PROSER2: variants seen among roughly 807,000 people sequenced by gnomAD.
PROSER2 encodes the protein proline and serine rich 2, also known as proline and serine-rich protein 2.
A neutral mutation model predicts 14.6 loss-of-function variants in PROSER2; 18 were observed. The observed-to-expected ratio is 1.23, with a 90% CI of 0.85 to 1.83. The LOEUF (loss-of-function observed/expected upper bound fraction) is 1.83, where lower values mean the gene tolerates loss of function less well. PROSER2 is among the 40% of genes most tolerant of loss of function. The pLI is 0.00. For synonymous variants in PROSER2, 367 were observed against 286.4 expected (o/e 1.28, Z -2.84); for missense variants, 823 against 629.8 (o/e 1.31, Z -3.28).
chr10:11,861,316 G>A (rs1022878106), intron 2 of PROSER2, among the ~76,000 whole-genome samples: 10 of 152,074 alleles, frequency 6.6e-5, no homozygotes, highest in Non-Finnish European at 1.0e-4. Context: ...AACCATGCAC[G>A]CCGTGTTTCC....
At chr10:11,832,937 A>C (rs942779247) in intron 1 of PROSER2, among the ~76,000 whole-genome samples, 1 of 151,942 alleles carries the variant, frequency 6.6e-6, no homozygotes, top group Non-Finnish European at 1.5e-5. Flanking sequence ...CCACCTCCCA[A>C]ATTCAAGCAA....
chr10:11,869,656 A>G lies in PROSER2; in HGVS notation c.558A>G (p.Arg186=). Residue 186 remains arginine, a synonymous_variant, in exon 4 of 4, where the codon AGA becomes AGG. Transcript: ENST00000277570. The surrounding 1 kb of genome is among the most constrained non-coding windows in gnomAD (Gnocchi z 4.4). ...CCTCCCCGCCGGTGGAGCACCCCAG[A>G]CTCCTGCGCTCTGTTCCCACGCCCC... ...RAPSPPVEHP[R]LLRSVPTPLV... The G allele has an allele frequency of 6.2e-7, 1 of 1,600,106 alleles. No homozygotes were observed. The highest frequency in any genetic ancestry group is 8.5e-7 in the Non-Finnish European group (1 of 1,173,936).
chr10:11,868,717 C>T (rs1371105239), intron 3 of PROSER2, among the ~76,000 whole-genome samples: 3 of 152,190 alleles, frequency 2.0e-5, no homozygotes, highest in African/African-American at 7.2e-5. Context: ...GTGGTGCCAT[C>T]TCAGCTCACT....
intron 2 of PROSER2, among the ~76,000 whole-genome samples, chr10:11,855,468 C>G: frequency 8.3e-6 from 1 of 119,836 alleles, no homozygotes; most frequent in Admixed American, 9.0e-5. Flanking sequence ...AGCAAGACTC[C>G]ATCTCAAAAA....
At chr10:11,831,500 A>G (rs1833688646) in intron 1 of PROSER2, among the ~76,000 whole-genome samples, 1 of 152,220 alleles carries the variant, frequency 6.6e-6, no homozygotes. Flanking sequence ...GAGCTGAGTA[A>G]AAAACATGCA....
intron 1 of PROSER2, among the ~76,000 whole-genome samples, chr10:11,832,487 G>A (rs1177656408): frequency 6.6e-6 from 1 of 152,044 alleles, no homozygotes; most frequent in Non-Finnish European, 1.5e-5. Context: ...CATTCATATT[G>A]ACATGGATTA....
chr10:11,855,473 CAAAAAAAAAAA>C (rs71380787), intron 2 of PROSER2, among the ~76,000 whole-genome samples: 3 of 102,656 alleles, frequency 2.9e-5, no homozygotes, highest in African/African-American at 1.2e-4. Flanking sequence ...GACTCCATCT[CAAAAAAAAAAA>C]AAAAAAGAAA....
intron 2 of PROSER2, among the ~76,000 whole-genome samples, chr10:11,858,898 A>C (rs1032708899): frequency 6.6e-6 from 1 of 150,918 alleles, no homozygotes; most frequent in African/African-American, 2.4e-5. Context: ...AGTCCCAGCT[A>C]CTCAGGAAGC....
At chr10:11,842,420 T>C (rs1307475915) in intron 1 of PROSER2, among the ~76,000 whole-genome samples, 1 of 152,108 alleles carries the variant, frequency 6.6e-6, no homozygotes, top group African/African-American at 2.4e-5. Context: ...CTAATTTAGA[T>C]GGTAAATGTT....
intron 1 of PROSER2, among the ~76,000 whole-genome samples, chr10:11,848,826 T>C (rs1833966819): frequency 6.6e-6 from 1 of 152,196 alleles, no homozygotes; most frequent in Admixed American, 6.5e-5. Flanking sequence ...CATTTCCACA[T>C]CTTTGTTGAT....
chr10:11,834,184 AG>A (rs1208819574), intron 1 of PROSER2, among the ~76,000 whole-genome samples: 1 of 151,100 alleles, frequency 6.6e-6, no homozygotes, highest in Non-Finnish European at 1.5e-5. Flanking sequence ...TAGTAAAGAC[AG>A]GGTTTCACCA....
Position 11,830,820 on chromosome 10 carries a change from C to T in PROSER2, c.-82+7350C>T, listed in dbSNP as rs1180183002. Among the ~76,000 whole-genome samples, 1 of 152,150 alleles carries T rather than the reference C, an allele frequency of 6.6e-6. No homozygotes were observed. The highest frequency in any genetic ancestry group is 2.4e-5 in the African/African-American group (1 of 41,414). ...TCTGCCCTATTAAAACTGGGTAATG[C>T]CTTTGTGCCCACAGGCTTGGATTGA... On this transcript the variant is annotated intron_variant, in intron 1 of 3. Coordinates refer to ENST00000277570, the MANE Select transcript of PROSER2 (RefSeq NM_153256.4). The surrounding 1 kb of genome is among the most constrained non-coding windows in gnomAD (Gnocchi z 4.5).
In PROSER2 at chr10:11,862,391, G is replaced by T. The variant is rs1410442457; in HGVS notation, c.139-4140G>T. 6.6e-6 allele frequency among the ~76,000 whole-genome samples: 1 copy of T among 152,204 alleles called. No homozygotes were observed. The highest frequency in any genetic ancestry group is 1.5e-5 in the Non-Finnish European group (1 of 68,042). ...CCAACAAAACTGGAGGACTCTGCCAGATATCAAGACTTACTATAGAATGGG... is the reference window on the plus strand; with the variant it reads ...CCAACAAAACTGGAGGACTCTGCCATATATCAAGACTTACTATAGAATGGG... On this transcript the variant is annotated intron_variant, in intron 2 of 3. Transcript: ENST00000277570. The surrounding 1 kb of genome is among the most constrained non-coding windows in gnomAD (Gnocchi z 4.2).
chr10:11,846,772 TAG>T (rs1304395260), intron 1 of PROSER2, among the ~76,000 whole-genome samples: 1 of 152,150 alleles, frequency 6.6e-6, no homozygotes, highest in Non-Finnish European at 1.5e-5. Flanking sequence ...TTGTTTGTTT[TAG>T]AGATGGCCAG....
chr10:11,859,021 A>G (rs1470649066), intron 2 of PROSER2, among the ~76,000 whole-genome samples: 2 of 146,720 alleles, frequency 1.4e-5, no homozygotes, highest in Non-Finnish European at 3.0e-5. Context: ...AAAAAAAAAA[A>G]AAAAAAAAAA....
chr10:11,861,587 G>A (rs111326993), intron 2 of PROSER2, among the ~76,000 whole-genome samples: 9 of 152,166 alleles, frequency 5.9e-5, no homozygotes, highest in African/African-American at 9.7e-5. Flanking sequence ...CTTAGAAGCC[G>A]ACATAGGAAG....
At chr10:11,861,426 G>C (rs1342773149) in intron 2 of PROSER2, among the ~76,000 whole-genome samples, 1 of 152,172 alleles carries the variant, frequency 6.6e-6, no homozygotes, top group Non-Finnish European at 1.5e-5. Context: ...TAGACAGCAG[G>C]AGCATGATTT....
intron 1 of PROSER2, 29 bp from the exon 2 acceptor site, chr10:11,851,968 C>T (rs1834025854): frequency 1.7e-6 from 2 of 1,191,612 alleles, no homozygotes; most frequent in South Asian, 2.2e-5. Flanking sequence ...GGCTTACTGA[C>T]CATTGTCATT....
intron 1 of PROSER2, among the ~76,000 whole-genome samples, chr10:11,835,170 C>T (rs1348916601): frequency 6.6e-6 from 1 of 151,220 alleles, no homozygotes; most frequent in East Asian, 1.9e-4. Context: ...TGGTAGTTTA[C>T]AGGTGGGTGT....
Sources: allele counts gnomAD v4.1 joint callset (sites outside exome capture counted in the v4.1 genomes callset), GRCh38; gene constraint gnomAD v4.1.1; non-coding constraint Gnocchi (gnomAD v3.1); transcripts MANE v1.5; gene names NCBI Gene and HGNC (gene_info 2026-07-23, HGNC 2026-07-21).